The following PCDH11X variants were observed in gnomAD, a reference collection of about 807,000 sequenced individuals.
PCDH11X encodes protocadherin-11 X-linked.
PCDH11X carries 18 observed loss-of-function variants against 53.3 expected under a neutral mutation model. That is an observed-to-expected ratio of 0.34 (90% CI 0.23 to 0.50). The LOEUF (loss-of-function observed/expected upper bound fraction) is 0.50, where lower values mean the gene tolerates loss of function less well. PCDH11X is among the 20% of genes least tolerant of loss of function. PCDH11X has a pLI of 0.98. For missense variants in PCDH11X, 570 were observed against 1,032.4 expected (o/e 0.55, Z 6.14); for synonymous variants, 279 against 393.3 (o/e 0.71, Z 3.44).
chrX:92,112,980 A>G (rs1409232992), intron 6 of PCDH11X, among the ~76,000 whole-genome samples: 1 of 109,832 alleles, frequency 9.1e-6, no homozygotes, highest in African/African-American at 3.5e-5. Context: ...TTTTTGCTTA[A>G]AACTATTTGC....
At chrX:92,573,202 T>G (rs1186581404) in intron 10 of PCDH11X, among the ~76,000 whole-genome samples, 6 of 111,280 alleles carry the variant, frequency 5.4e-5, no homozygotes, top group African/African-American at 9.8e-5. Context: ...GAGGTGACTT[T>G]ACTTTGCCTT....
intron 6 of PCDH11X, among the ~76,000 whole-genome samples, chrX:92,177,668 CTG>C (rs1335773637): frequency 9.0e-6 from 1 of 111,446 alleles, no homozygotes; most frequent in Non-Finnish European, 1.9e-5. Flanking sequence ...TGAGTTAAAT[CTG>C]TGAATTTTGG....
chrX:91,810,127 T>C (rs1485601689), intron 2 of PCDH11X, among the ~76,000 whole-genome samples: 2 of 111,341 alleles, frequency 1.8e-5, no homozygotes, highest in African/African-American at 6.5e-5. Context: ...AGAATAAGAA[T>C]ACAACAGACT....
intron 1 of PCDH11X, chrX:91,798,251 T>C (rs1569384021): frequency 1.8e-5 from 2 of 110,609 alleles, no homozygotes; most frequent in Non-Finnish European, 3.8e-5. Flanking sequence ...ATTGACCTGG[T>C]ATTGCAGTAC....
intron 4 of PCDH11X, among the ~76,000 whole-genome samples, chrX:91,813,842 G>A: frequency 9.2e-6 from 1 of 109,026 alleles, no homozygotes; most frequent in East Asian, 2.9e-4. Flanking sequence ...GAGAGGAGAA[G>A]CAGTTCTTAC....
chrX:91,912,040 C>G (rs1202914315), intron 6 of PCDH11X, among the ~76,000 whole-genome samples: 4 of 111,644 alleles, frequency 3.6e-5, no homozygotes, highest in Non-Finnish European at 5.7e-5. Flanking sequence ...TTATGTGTGA[C>G]TATTGTAAAT....
intron 1 of PCDH11X, among the ~76,000 whole-genome samples, chrX:91,787,485 T>C (rs775092943): frequency 2.7e-5 from 3 of 110,595 alleles, no homozygotes; most frequent in African/African-American, 9.8e-5. Flanking sequence ...TTTTATGATT[T>C]ATGTTTTATT....
At chrX:91,999,856 A>C (rs1042609683) in intron 6 of PCDH11X, among the ~76,000 whole-genome samples, 1 of 111,702 alleles carries the variant, frequency 9.0e-6, no homozygotes, top group African/African-American at 3.3e-5. Context: ...TTAAGGCTAC[A>C]TGAATAGCTT....
At chrX:92,480,503 T>C (rs1242375289) in intron 10 of PCDH11X, among the ~76,000 whole-genome samples, 21 of 109,641 alleles carry the variant, frequency 1.9e-4, no homozygotes, top group Non-Finnish European at 3.8e-4. Context: ...GTCTTCGAAG[T>C]TGCTGTTTTG....
chrX:92,484,119 GTATATATATGTATATATGTA>G (rs2073567779), intron 10 of PCDH11X, among the ~76,000 whole-genome samples: 2 of 79,487 alleles, frequency 2.5e-5, no homozygotes, highest in Non-Finnish European at 4.4e-5. Context: ...TATATATATA[GTATATATATGTATATATGTA>G]TGTATATATA....
intron 7 of PCDH11X, among the ~76,000 whole-genome samples, chrX:92,225,155 G>A (rs1277804513): frequency 1.8e-5 from 2 of 111,108 alleles, no homozygotes; most frequent in African/African-American, 3.3e-5. Flanking sequence ...ATGTCTGTTT[G>A]AGTTAGCTCT....
In PCDH11X at chrX:92,118,934, G is replaced by A. The variant is rs1179438989; in HGVS notation, c.3034-82441G>A. On this transcript the variant is annotated intron_variant, in intron 6 of 10. Transcript: ENST00000682573. ...TTTTTTGTATTTTTAGTAAAGACGG[G>A]GTTTCACCGTGTTAGCCAGGATGGT... Among the ~76,000 whole-genome samples, 3 of 106,371 alleles carry A rather than the reference G, an allele frequency of 2.8e-5. No homozygotes were observed. The South Asian group carries it at 1.3e-3, about 45-fold the overall frequency. 92.4% of individuals were successfully genotyped at this position (106,371 alleles called of 115,157 possible).
intron 9 of PCDH11X, among the ~76,000 whole-genome samples, chrX:92,461,652 A>C (rs950001916): frequency 1.8e-5 from 2 of 111,816 alleles, no homozygotes; most frequent in African/African-American, 3.3e-5. Flanking sequence ...GTCTTGGCAA[A>C]GACTTATTGA....
chrX:91,823,241 G>C (rs1022932758), intron 4 of PCDH11X, among the ~76,000 whole-genome samples: 3 of 110,971 alleles, frequency 2.7e-5, no homozygotes, highest in Admixed American at 1.9e-4. Flanking sequence ...TTGACTTTCT[G>C]TCTAGTTGAT....
At chrX:92,531,292 G>T (rs1390142074) in intron 10 of PCDH11X, among the ~76,000 whole-genome samples, 1 of 111,374 alleles carries the variant, frequency 9.0e-6, no homozygotes, top group Admixed American at 9.6e-5. Context: ...CCTTTCAGTA[G>T]AATGTCAGTG....
At chrX:92,446,187 C>T (rs1314250310) in intron 9 of PCDH11X, among the ~76,000 whole-genome samples, 2 of 108,840 alleles carry the variant, frequency 1.8e-5, no homozygotes, top group Admixed American at 9.9e-5. Flanking sequence ...TTCTGAGTAT[C>T]AACCAATATT....
intron 5 of PCDH11X, among the ~76,000 whole-genome samples, chrX:91,837,814 C>A (rs1289414965): frequency 9.0e-6 from 1 of 111,215 alleles, no homozygotes; most frequent in Admixed American, 9.6e-5. Context: ...GAGAACAATG[C>A]AGTAGCCACC....
At chrX:92,415,576 C>G (rs1030085397) in intron 9 of PCDH11X, among the ~76,000 whole-genome samples, 1 of 111,314 alleles carries the variant, frequency 9.0e-6, no homozygotes, top group African/African-American at 3.3e-5. Context: ...CAAAATATGT[C>G]AGTATTCATT....
intron 6 of PCDH11X, chrX:91,983,291 G>A: frequency 1.1e-6 from 1 of 922,209 alleles, no homozygotes; most frequent in Non-Finnish European, 1.6e-6. Flanking sequence ...CTATTTCTCT[G>A]TAAACGTCAG....
Sources: gnomAD v4.1 joint callset for allele counts (sites outside exome capture counted in the v4.1 genomes callset) on GRCh38, gnomAD v4.1.1 for gene constraint, MANE v1.5 for transcripts, NCBI Gene and HGNC (gene_info 2026-07-23, HGNC 2026-07-21) for gene names.